Variants in RORB observed in about 807,000 individuals in gnomAD.
The protein encoded by RORB is nuclear receptor ROR-beta.
A neutral mutation model predicts 59.1 loss-of-function variants in RORB; 6 were observed. That is an observed-to-expected ratio of 0.10 (90% CI 0.06 to 0.20). The LOEUF is 0.20. RORB is among the 10% of genes least tolerant of loss of function. The probability of loss-of-function intolerance (pLI) is 1.00; values close to 1 mark genes in which losing one functional copy is unlikely to be tolerated. For synonymous variants in RORB, 215 were observed against 204.5 expected (o/e 1.05, Z -0.44); for missense variants, 320 against 560.5 (o/e 0.57, Z 4.33).
intron 3 of RORB, among the ~76,000 whole-genome samples, chr9:74,635,673 C>A (rs1483066718): frequency 6.6e-6 from 1 of 152,072 alleles, no homozygotes; most frequent in Non-Finnish European, 1.5e-5. Context: ...TATGGAAATC[C>A]CTTCTACCTA....
intron 1 of RORB, among the ~76,000 whole-genome samples, chr9:74,610,883 A>G (rs562655121): frequency 2.2e-4 from 34 of 152,332 alleles, no homozygotes; most frequent in Admixed American, 1.8e-3. Context: ...CTAAGAATCT[A>G]CATGTTTAAC....
intron 1 of RORB, among the ~76,000 whole-genome samples, chr9:74,599,852 C>T (rs1031405411): frequency 1.2e-4 from 18 of 152,186 alleles, no homozygotes; most frequent in African/African-American, 3.6e-4. Flanking sequence ...GATCATGGGA[C>T]GAACTTTAAA....
At chr9:74,614,828 T>C (rs1364290860) in intron 1 of RORB, among the ~76,000 whole-genome samples, 1 of 152,196 alleles carries the variant, frequency 6.6e-6, no homozygotes, top group Non-Finnish European at 1.5e-5. Context: ...TACCTATTCA[T>C]ATATTTATCC....
chr9:74,549,604 GGAAGAAAGGAAGGAAGGA>G (rs1563934605), intron 1 of RORB, among the ~76,000 whole-genome samples: 9 of 49,704 alleles, frequency 1.8e-4, no homozygotes, highest in African/African-American at 9.5e-4. Context: ...AAGGAAGGAA[GGAAGAAAGGAAGGAAGGA>G]AGGAAGAAAG....
At chr9:74,588,468 A>G (rs1430703796) in intron 1 of RORB, among the ~76,000 whole-genome samples, 10 of 152,312 alleles carry the variant, frequency 6.6e-5, no homozygotes, top group African/African-American at 1.7e-4. Flanking sequence ...TTTTTAATCT[A>G]CACATAAAAT....
chr9:74,551,926 T>G (rs1015903177), intron 1 of RORB, among the ~76,000 whole-genome samples: 2 of 152,170 alleles, frequency 1.3e-5, no homozygotes, highest in African/African-American at 4.8e-5. Context: ...ATAGACTAGA[T>G]GGAGCATATT....
At position 74,655,164 on chromosome 9, in the gene RORB, A is replaced by C. The variant is rs1327025320; in HGVS notation, c.638-5453A>C. 3.9e-5 allele frequency among the ~76,000 whole-genome samples: 6 copies of C among 152,206 alleles called. No homozygotes were observed. The South Asian group carries it at 1.0e-3, about 26-fold the overall frequency. On this transcript the variant is annotated intron_variant, in intron 4 of 9. Transcript: ENST00000376896. ...AACAAACCTCTGTCTCACTGAACAC[A>C]TGTAGGGAATCTTAACTACTGAGAA...
intron 1 of RORB, among the ~76,000 whole-genome samples, chr9:74,565,880 C>G (rs550848129): frequency 6.6e-6 from 1 of 152,222 alleles, no homozygotes; most frequent in South Asian, 2.1e-4. Flanking sequence ...TCAGAATTGC[C>G]TAATTCGAAT....
At chr9:74,623,673 G>C (rs189710436) in intron 1 of RORB, among the ~76,000 whole-genome samples, 3 of 152,258 alleles carry the variant, frequency 2.0e-5, no homozygotes, top group Admixed American at 2.0e-4. Flanking sequence ...TTCTGATTCA[G>C]CTGGTCTTGA....
chr9:74,679,591 G>A (rs536389852), intron 9 of RORB, among the ~76,000 whole-genome samples: 93 of 152,200 alleles, frequency 6.1e-4, no homozygotes, highest in African/African-American at 2.2e-3. Flanking sequence ...TAGGTACTAC[G>A]TGCCAGGTGC....
intron 1 of RORB, among the ~76,000 whole-genome samples, chr9:74,501,518 T>C (rs934871650): frequency 2.6e-5 from 4 of 152,210 alleles, no homozygotes; most frequent in African/African-American, 9.7e-5. Context: ...CTGTTAGTAG[T>C]CCATTAATAA....
chr9:74,683,318 T>G (rs990871700), intron 9 of RORB, among the ~76,000 whole-genome samples: 8 of 152,198 alleles, frequency 5.3e-5, no homozygotes, highest in Non-Finnish European at 1.2e-4. Flanking sequence ...AGAGTTTGAA[T>G]AATTTCCCAA....
intron 4 of RORB, among the ~76,000 whole-genome samples, chr9:74,650,055 G>A (rs546964754): frequency 2.0e-5 from 3 of 152,246 alleles, no homozygotes; most frequent in South Asian, 4.2e-4. Context: ...CTACTGGAAA[G>A]CCAACTCCAT....
At chr9:74,598,171 A>G (rs1017685717) in intron 1 of RORB, among the ~76,000 whole-genome samples, 2 of 152,108 alleles carry the variant, frequency 1.3e-5, no homozygotes, top group African/African-American at 2.4e-5. Context: ...TGGCGTGTCA[A>G]TTGCCCATCA....
intron 4 of RORB, among the ~76,000 whole-genome samples, chr9:74,644,763 A>T (rs1823868553): frequency 6.6e-6 from 1 of 152,218 alleles, no homozygotes; most frequent in South Asian, 2.1e-4. Flanking sequence ...AACTCACAAC[A>T]GTGGAGCAAT....
intron 1 of RORB, among the ~76,000 whole-genome samples, chr9:74,511,936 A>T (rs1480465481): frequency 2.0e-5 from 3 of 151,752 alleles, no homozygotes; most frequent in Admixed American, 2.0e-4. Context: ...CTTTTTGAGA[A>T]TCGTATATTA....
At chr9:74,560,973 C>A (rs1822388851) in intron 1 of RORB, among the ~76,000 whole-genome samples, 1 of 152,108 alleles carries the variant, frequency 6.6e-6, no homozygotes, top group Admixed American at 6.6e-5. Context: ...TCTTAGCTTT[C>A]ATTCTATAGT....
At chr9:74,621,312 T>A (rs1483748647) in intron 1 of RORB, among the ~76,000 whole-genome samples, 1 of 152,226 alleles carries the variant, frequency 6.6e-6, no homozygotes, top group East Asian at 1.9e-4. Flanking sequence ...TTTTTAATTA[T>A]CTTTGTAGTT....
chr9:74,585,388 G>A (rs1269434508), intron 1 of RORB, among the ~76,000 whole-genome samples: 2 of 152,226 alleles, frequency 1.3e-5, no homozygotes, highest in African/African-American at 2.4e-5. Context: ...CAAAGGTTGA[G>A]TAACATATTC....
Sources: allele counts gnomAD v4.1 joint callset (sites outside exome capture counted in the v4.1 genomes callset), GRCh38; gene constraint gnomAD v4.1.1; transcripts MANE v1.5; gene names NCBI Gene and HGNC (gene_info 2026-07-23, HGNC 2026-07-21).